PRPS2: variants seen among roughly 807,000 people sequenced by gnomAD.
The protein encoded by PRPS2 is ribose-phosphate pyrophosphokinase 2.
For missense variants in PRPS2, 104 were observed against 271.5 expected, an observed-to-expected ratio of 0.38 and a Z score of 4.34; for synonymous variants, 111 against 115.3, an observed-to-expected ratio of 0.96 and a Z score of 0.24.
intron 4 of PRPS2, among the ~76,000 whole-genome samples, chrX:12,818,877 T>G (rs2042662360): frequency 9.1e-6 from 1 of 110,226 alleles, no homozygotes; most frequent in African/African-American, 3.3e-5. Context: ...TTTTTTTTTT[T>G]AAAGAGATGG....
chrX:12,804,368 C>T (rs780068739), intron 2 of PRPS2, among the ~76,000 whole-genome samples: 36 of 110,974 alleles, frequency 3.2e-4, no homozygotes, highest in South Asian at 1.2e-3. Flanking sequence ...TCTCGAACTC[C>T]TGACTTCAAA....
intron 1 of PRPS2, among the ~76,000 whole-genome samples, chrX:12,796,790 T>G (rs2042545859): frequency 9.4e-6 from 1 of 106,388 alleles, no homozygotes; most frequent in Admixed American, 1.0e-4. Flanking sequence ...TAAAAAATCA[T>G]AGGAATGTTA....
intron 6 of PRPS2, among the ~76,000 whole-genome samples, chrX:12,821,250 G>A (rs777881753): frequency 2.7e-5 from 3 of 112,018 alleles, no homozygotes; most frequent in East Asian, 2.8e-4. Context: ...GTGCTCTGTC[G>A]CTACGATGGA....
rs66529320 is a variant in PRPS2 at position 12,807,865 on chromosome X, C to CT, written c.307-1349dup. 5.4e-3 allele frequency among the ~76,000 whole-genome samples: 307 copies of CT among 56,799 alleles called. 6 individuals are homozygous for CT. Among genetic ancestry groups the CT allele is most frequent in the Non-Finnish European group, 7.3e-3 (239 of 32,914 alleles). The allele number at this position is 56,799 out of a possible 115,157, so 49.3% of individuals were successfully genotyped here. ...TTCTGTTTTGAACATACATGCATAC[C>CT]TTTTTTTTTTTTTTTTTTTTGAGAT... On this transcript the variant is annotated intron_variant, in intron 2 of 6. Transcript: ENST00000380668.
intron 2 of PRPS2, among the ~76,000 whole-genome samples, chrX:12,801,647 C>T (rs1364183097): frequency 8.9e-6 from 1 of 112,690 alleles, no homozygotes; most frequent in African/African-American, 3.2e-5. Context: ...CTCACTCTGT[C>T]ACCCAGGCTG....
chrX:12,800,760 T>C (rs1006810206), intron 2 of PRPS2, among the ~76,000 whole-genome samples: 11 of 111,822 alleles, frequency 9.8e-5, no homozygotes, highest in Admixed American at 5.7e-4. Context: ...CTTTATAAAT[T>C]TGAATTCATA....
At chrX:12,797,358 T>TA (rs373644455) in intron 1 of PRPS2, among the ~76,000 whole-genome samples, 137 of 99,184 alleles carry the variant, frequency 1.4e-3, no homozygotes, top group East Asian at 4.7e-3. Flanking sequence ...ACTCTGTCTT[T>TA]AAAAAAAAAA....
chrX:12,809,926 C>A, intron 3 of PRPS2, 96 bp from the exon 4 acceptor site: 5 of 1,046,348 alleles, frequency 4.8e-6, no homozygotes, highest in Non-Finnish European at 6.2e-6. Flanking sequence ...ACAAAAAATG[C>A]AAATGTTATT....
chrX:12,807,144 G>GAAGACC (rs946231014), intron 2 of PRPS2, among the ~76,000 whole-genome samples: 1 of 112,294 alleles, frequency 8.9e-6, no homozygotes, highest in Non-Finnish European at 1.9e-5. Flanking sequence ...CTGGAGACTG[G>GAAGACC]AAGACCAAGA....
rs60881280 is a variant in PRPS2, at chrX:12,808,288, C to CTGTGTGTGTGTGTGTGTGTGTG, written c.307-940_307-919dup. On this transcript the variant is annotated intron_variant, in intron 2 of 6. Transcript: ENST00000380668. The stretch of plus-strand genomic sequence containing the variant: ...CTGCATGTGTTTTTACATGAATATA[C>CTGTGTGTGTGTGTGTGTGTGTG]TGTGTGTGTGTGTGTGTGTGTGTGT... Among the ~76,000 whole-genome samples, 97 of 102,423 alleles carry CTGTGTGTGTGTGTGTGTGTGTG rather than the reference C, an allele frequency of 9.5e-4. 1 individual carries two copies. Among genetic ancestry groups the CTGTGTGTGTGTGTGTGTGTGTG allele is most frequent in the African/African-American group, 3.1e-3 (89 of 28,265 alleles). 88.9% of individuals were successfully genotyped at this position (102,423 alleles called of 115,157 possible). A position where few individuals can be genotyped will look rare whatever the true frequency, so the allele number is the denominator to read the frequency against.
chrX:12,806,873 G>A (rs1300192819), intron 2 of PRPS2, among the ~76,000 whole-genome samples: 1 of 111,758 alleles, frequency 8.9e-6, no homozygotes, highest in Admixed American at 9.5e-5. Flanking sequence ...CGGATCACCT[G>A]AGGTCGGGAG....
intron 2 of PRPS2, among the ~76,000 whole-genome samples, chrX:12,806,073 G>A (rs1481157028): frequency 3.0e-5 from 3 of 101,450 alleles, no homozygotes; most frequent in Non-Finnish European, 4.0e-5. Context: ...GCGGGACTCC[G>A]TCTCAAAAGG....
intron 4 of PRPS2, among the ~76,000 whole-genome samples, chrX:12,816,364 C>T (rs1387459971): frequency 2.7e-5 from 3 of 111,124 alleles, no homozygotes; most frequent in Non-Finnish European, 5.7e-5. Flanking sequence ...TGTAGTGGCG[C>T]GATCACAGCT....
At chrX:12,808,059 G>A (rs1040038580) in intron 2 of PRPS2, among the ~76,000 whole-genome samples, 1 of 110,154 alleles carries the variant, frequency 9.1e-6, no homozygotes, top group Non-Finnish European at 1.9e-5. Flanking sequence ...AGTAGAGACA[G>A]CGTTTCACCA....
At chrX:12,815,587 G>A (rs2042643531) in intron 4 of PRPS2, among the ~76,000 whole-genome samples, 1 of 111,689 alleles carries the variant, frequency 9.0e-6, no homozygotes, top group African/African-American at 3.3e-5. Flanking sequence ...TTCCTTACCT[G>A]GAGTTTGAGT....
chrX:12,803,337 A>AAGTGC (rs1264885190), intron 2 of PRPS2, among the ~76,000 whole-genome samples: 1 of 112,384 alleles, frequency 8.9e-6, no homozygotes, highest in Admixed American at 9.4e-5. Flanking sequence ...ACCCAGGCTG[A>AAGTGC]AGTGCGGTGG....
intron 5 of PRPS2, 111 bp downstream of exon 5, chrX:12,819,791 A>G: frequency 1.1e-6 from 1 of 919,676 alleles, no homozygotes; most frequent in Non-Finnish European, 1.5e-6. Context: ...TTGGCAGTGG[A>G]GTTTTAGACC....
In PRPS2 at chrX:12,822,858, A is replaced by G; in HGVS notation, c.*62A>G. 1.0e-6 allele frequency: 1 copy of G among 960,700 alleles called. No individual in the cohort carries two copies. The highest frequency in any genetic ancestry group is 1.5e-6 in the Non-Finnish European group (1 of 673,152). The allele number at this position is 960,700 out of a possible 1,213,427, so 79.2% of individuals were successfully genotyped here. A position where few individuals can be genotyped will look rare whatever the true frequency, so the allele number is the denominator to read the frequency against. ...CTTCTGACTTGTTTTTGTTTTCTGGATTTTTAGCTGTAGGTATTCAGCAAT... is the reference window on the plus strand; with the variant it reads ...CTTCTGACTTGTTTTTGTTTTCTGGGTTTTTAGCTGTAGGTATTCAGCAAT... On this transcript the variant is annotated 3_prime_UTR_variant, in exon 7 of 7. Coordinates refer to ENST00000380668, the MANE Select transcript of PRPS2 (RefSeq NM_002765.5).
chrX:12,798,855 C>T (rs749611775), intron 1 of PRPS2, among the ~76,000 whole-genome samples: 13 of 111,637 alleles, frequency 1.2e-4, no homozygotes, highest in Admixed American at 3.8e-4. Context: ...ATATGACCAG[C>T]CCACAATACA....
Sources: allele counts gnomAD v4.1 joint callset (sites outside exome capture counted in the v4.1 genomes callset), GRCh38; gene constraint gnomAD v4.1.1; transcripts MANE v1.5; gene names NCBI Gene and HGNC (gene_info 2026-07-23, HGNC 2026-07-21).